EIF3L: variants seen among roughly 807,000 people sequenced by gnomAD.
EIF3L encodes the protein eIEF associated protein HSPC021.
In EIF3L, 32 loss-of-function variants were observed where a neutral mutation model predicts 74.6. That is an observed-to-expected ratio of 0.43 (90% CI 0.32 to 0.58). The LOEUF is 0.58. EIF3L is among the 20% of genes least tolerant of loss of function. EIF3L has a pLI of 0.06. For synonymous variants in EIF3L, 256 were observed against 254.4 expected (o/e 1.01, Z -0.06); for missense variants, 474 against 707.8 (o/e 0.67, Z 3.75).
intron 7 of EIF3L, among the ~76,000 whole-genome samples, chr22:37,865,244 T>G (rs1007259419): frequency 3.3e-5 from 5 of 151,952 alleles, no homozygotes; most frequent in African/African-American, 9.7e-5. Flanking sequence ...GGTGGGCAGA[T>G]CACGAGGTCT....
rs111773059 is a variant in EIF3L at position 37,865,192 on chromosome 22, G to A, written c.579+1847G>A. 9.0e-3 allele frequency among the ~76,000 whole-genome samples: 1,365 copies of A among 152,250 alleles called. 20 individuals are homozygous for A. The highest frequency in any genetic ancestry group is 0.031 in the African/African-American group (1,294 of 41,538). ...CTACAAAACATAAAATAGGCTGGGC[G>A]TGGTGGCTCACGCCTGTAATCCCAA... On this transcript the variant is annotated intron_variant, in intron 7 of 12. Transcript: ENST00000652021.
intron 3 of EIF3L, among the ~76,000 whole-genome samples, chr22:37,851,944 A>C (rs1925248438): frequency 6.6e-6 from 1 of 152,178 alleles, no homozygotes; most frequent in African/African-American, 2.4e-5. Flanking sequence ...CTGGGATTAC[A>C]GGTGGGAGCC....
In EIF3L at chr22:37,877,977, C is replaced by T. The variant is rs1926843189; in HGVS notation, c.1381C>T (p.Arg461Cys). The T allele has an allele frequency of 1.2e-6, 2 of 1,612,720 alleles. No homozygotes were observed. Among genetic ancestry groups the T allele is most frequent in the Non-Finnish European group, 1.7e-6 (2 of 1,179,854 alleles). ...GCAGCAGGCCCAGCTTTCAACCATC[C>T]GCAGCTTCCTGAAGCTCTACACCAC... The part of the protein sequence containing the change: ...VQQQAQLSTI[R>C]SFLKLYTTMP... Residue 461 changes from arginine to cysteine, a missense_variant, in exon 11 of 13, where the codon CGC becomes TGC. By Grantham distance (180) the Arg-to-Cys change is radical. This residue lies in a region of EIF3L where 293 missense variants were observed against 469.1 expected (regional missense o/e 0.62). Coordinates refer to ENST00000652021, the MANE Select transcript of EIF3L (RefSeq NM_016091.4).
chr22:37,855,719 G>A (rs376873814), intron 4 of EIF3L, 75 bp downstream of exon 4: 2 of 1,308,730 alleles, frequency 1.5e-6, no homozygotes, highest in Non-Finnish European at 1.1e-6. Flanking sequence ...AAGCTCAAGA[G>A]GGTCTGTGTC....
In EIF3L at chr22:37,851,494, T is replaced by G. The variant is rs1230891112; in HGVS notation, c.293+4T>G. On this transcript the variant is annotated splice_donor_region_variant and intron_variant, in intron 3 of 12. Transcript: ENST00000652021. Reference sequence around the variant, plus strand: ...TCCAGGACATCTATGAGAACAGGTATGGGCTACTGGCTGAAAGGGCCTCTT... The same window carrying G: ...TCCAGGACATCTATGAGAACAGGTAGGGGCTACTGGCTGAAAGGGCCTCTT... 6.4e-7 allele frequency: 1 copy of G among 1,552,978 alleles called. No individual in the cohort carries two copies. The highest frequency in any genetic ancestry group is 1.4e-5 in the African/African-American group (1 of 70,670).
intron 7 of EIF3L, among the ~76,000 whole-genome samples, chr22:37,868,376 C>T (rs567154883): frequency 5.3e-5 from 8 of 151,350 alleles, no homozygotes; most frequent in East Asian, 2.0e-4. Context: ...CCACCCATCT[C>T]GGCCTCCCAA....
At chr22:37,853,083 A>G (rs546529032) in intron 3 of EIF3L, among the ~76,000 whole-genome samples, 2 of 152,170 alleles carry the variant, frequency 1.3e-5, no homozygotes, top group Non-Finnish European at 2.9e-5. Flanking sequence ...CTCAAAAGAA[A>G]GAATTCGACT....
chr22:37,869,165 G>A (rs539165634), intron 7 of EIF3L, among the ~76,000 whole-genome samples: 1 of 152,258 alleles, frequency 6.6e-6, no homozygotes, highest in African/African-American at 2.4e-5. Context: ...GTTTTACTCT[G>A]TCACTCACAC....
chr22:37,879,667 T>C (rs1330040451), intron 11 of EIF3L: 1 of 152,218 alleles, frequency 6.6e-6, no homozygotes, highest in African/African-American at 2.4e-5. Flanking sequence ...GAAAGGGGGA[T>C]GGTGCTTTGT....
Position 37,875,892 on chromosome 22 carries a change from G to T in EIF3L, c.958G>T (p.Gly320Trp). ...ECQVTTYYYV[G>W]FAYLMMRRYQ... ...CCAGGTCACCACATACTATTATGTT[G>T]GGTTTGCATATTTGATGATGCGTCG... The change falls in exon 10 of 13, where the codon GGG becomes TGG. Residue 320 changes from glycine (G) to tryptophan (W), a missense_variant. This residue lies in a region of EIF3L where 293 missense variants were observed against 469.1 expected (regional missense o/e 0.62). Coordinates refer to ENST00000652021, the MANE Select transcript of EIF3L (RefSeq NM_016091.4). The T allele has an allele frequency of 6.2e-7, 1 of 1,614,038 alleles. No homozygotes were observed. The highest frequency in any genetic ancestry group is 8.5e-7 in the Non-Finnish European group (1 of 1,180,016).
At chr22:37,887,020 C>A (rs773399877) in intron 12 of EIF3L, 175 bp downstream of exon 12, 3 of 463,778 alleles carry the variant, frequency 6.5e-6, no homozygotes, top group South Asian at 5.3e-5. Flanking sequence ...CCTCTGCCTC[C>A]TGGGTTCAAG....
intron 7 of EIF3L, among the ~76,000 whole-genome samples, chr22:37,863,721 C>T (rs1054975640): frequency 6.6e-6 from 1 of 152,122 alleles, no homozygotes; most frequent in Non-Finnish European, 1.5e-5. Context: ...CTCAGAGCCT[C>T]ACTTTCTTTA....
intron 7 of EIF3L, among the ~76,000 whole-genome samples, chr22:37,864,212 CT>C (rs1206332096): frequency 6.6e-6 from 1 of 152,206 alleles, no homozygotes; most frequent in African/African-American, 2.4e-5. Flanking sequence ...CCCACACCAA[CT>C]TACGTGGATA....
chr22:37,870,487 G>C (rs571019370), intron 8 of EIF3L, 140 bp downstream of exon 8: 4 of 799,734 alleles, frequency 5.0e-6, no homozygotes, highest in African/African-American at 3.5e-5. Context: ...GTAGGTGCTT[G>C]AGTACAAACA....
chr22:37,866,746 A>G (rs1327883965), intron 7 of EIF3L, among the ~76,000 whole-genome samples: 1 of 152,132 alleles, frequency 6.6e-6, no homozygotes. Flanking sequence ...AGATTGCGCC[A>G]CTGCACTCCA....
chr22:37,877,112 A>G (rs533873120), intron 10 of EIF3L: 5 of 153,588 alleles, frequency 3.3e-5, no homozygotes, highest in African/African-American at 9.6e-5. Flanking sequence ...AACCTACTAC[A>G]TACCCGGGCT....
chr22:37,885,031 A>G (rs980925696), intron 11 of EIF3L: 1 of 147,310 alleles, frequency 6.8e-6, no homozygotes, highest in South Asian at 2.1e-4. Flanking sequence ...TGATCCTCCT[A>G]TCTCAGCTTC....
intron 7 of EIF3L, among the ~76,000 whole-genome samples, chr22:37,864,073 AAAG>A (rs1193059998): frequency 1.3e-5 from 2 of 151,944 alleles, no homozygotes; most frequent in African/African-American, 4.8e-5. Context: ...CAAAAAAAAA[AAAG>A]AAAGAGTCAG....
intron 7 of EIF3L, among the ~76,000 whole-genome samples, chr22:37,864,984 C>T (rs558385507): frequency 6.6e-5 from 10 of 152,290 alleles, no homozygotes; most frequent in African/African-American, 2.4e-4. Flanking sequence ...GTGCCTGTCA[C>T]AGAATAATTA....
Sources: gnomAD v4.1 joint callset for allele counts (sites outside exome capture counted in the v4.1 genomes callset) on GRCh38, gnomAD v4.1.1 for gene constraint, gnomAD v4.1.1 regional missense constraint, MANE v1.5 for transcripts, NCBI Gene and HGNC (gene_info 2026-07-23, HGNC 2026-07-21) for gene names.